RBM6: variants seen among roughly 807,000 people sequenced by gnomAD.
RBM6 encodes RNA binding motif protein 6, also known as RNA-binding protein 6.
RBM6 carries 23 observed loss-of-function variants against 140.4 expected under a neutral mutation model. The ratio of observed to expected loss-of-function variants is 0.16; its 90% CI spans 0.12 to 0.23. RBM6 has a LOEUF of 0.23. Ranked by LOEUF, RBM6 falls within the 10% of genes least tolerant of loss-of-function variation. The pLI is 1.00. For missense variants in RBM6, 1,139 were observed against 1,386.7 expected (o/e 0.82, Z 2.84); for synonymous variants, 439 against 475.6 (o/e 0.92, Z 1.00).
chr3:50,036,121 C>T (rs188211663), intron 6 of RBM6, among the ~76,000 whole-genome samples: 15 of 152,118 alleles, frequency 9.9e-5, no homozygotes, highest in Non-Finnish European at 2.1e-4. Flanking sequence ...TTCTCAAACT[C>T]CTGACCTCAG....
intron 19 of RBM6, among the ~76,000 whole-genome samples, chr3:50,074,322 ATTTC>A (rs2090394823): frequency 6.9e-6 from 1 of 145,658 alleles, no homozygotes; most frequent in South Asian, 2.2e-4. Flanking sequence ...CTTCTACTGC[ATTTC>A]TTTTTTTTTT....
At chr3:50,002,230 G>C (rs2086370635) in intron 6 of RBM6, among the ~76,000 whole-genome samples, 1 of 151,438 alleles carries the variant, frequency 6.6e-6, no homozygotes, top group African/African-American at 2.4e-5. Flanking sequence ...TGGGACTACA[G>C]ATATGCGCCA....
rs1320934105 is a variant in RBM6 at position 50,022,422 on chromosome 3, C to T, written c.1557+22909C>T. Reference sequence around the variant, plus strand: ...CTCAGCTCACCAAAACCTCTGCCTCCCGGGTTCAAGTGATTCTCCTGCCTC... The same window carrying T: ...CTCAGCTCACCAAAACCTCTGCCTCTCGGGTTCAAGTGATTCTCCTGCCTC... On this transcript the variant is annotated intron_variant, in intron 6 of 20. Transcript: ENST00000266022. Among the ~76,000 whole-genome samples the T allele has an allele frequency of 3.3e-5, 5 of 151,914 alleles. No individual in the cohort carries two copies. In the East Asian group the frequency reaches 7.7e-4, roughly 23 times the overall value.
intron 18 of RBM6, among the ~76,000 whole-genome samples, chr3:50,069,472 C>T (rs1041566264): frequency 6.8e-5 from 10 of 147,252 alleles, no homozygotes; most frequent in African/African-American, 1.0e-4. Context: ...TGTGCCACTG[C>T]GCTCCAGCCT....
chr3:50,074,623 G>A (rs149787889), intron 19 of RBM6, among the ~76,000 whole-genome samples: 1,812 of 152,254 alleles, frequency 0.012, 16 homozygotes, highest in Non-Finnish European at 0.02. Context: ...GACATCTACT[G>A]TTGCTACATC....
chr3:50,069,338 T>C (rs2090220081), intron 18 of RBM6, among the ~76,000 whole-genome samples: 1 of 151,704 alleles, frequency 6.6e-6, no homozygotes, highest in African/African-American at 2.4e-5. Context: ...CATGGCGAAA[T>C]CCTATCTCTA....
chr3:49,944,175 A>T (rs1424635167), intron 1 of RBM6, among the ~76,000 whole-genome samples: 2 of 152,090 alleles, frequency 1.3e-5, no homozygotes, highest in Non-Finnish European at 2.9e-5. Context: ...CTCCCCTGAC[A>T]ATCACCATTC....
At chr3:49,948,415 T>A (rs561109891) in intron 1 of RBM6, among the ~76,000 whole-genome samples, 5 of 152,014 alleles carry the variant, frequency 3.3e-5, no homozygotes, top group Non-Finnish European at 5.9e-5. Flanking sequence ...TTCCAGCTAC[T>A]CAGGAGGCTA....
At chr3:49,952,574 A>C (rs1030419108) in intron 1 of RBM6, among the ~76,000 whole-genome samples, 1 of 150,424 alleles carries the variant, frequency 6.6e-6, no homozygotes, top group African/African-American at 2.4e-5. Context: ...ATCTCGACTC[A>C]ACGCAACCTC....
At chr3:50,063,858 A>C (rs1439355136) in intron 15 of RBM6, among the ~76,000 whole-genome samples, 1 of 151,970 alleles carries the variant, frequency 6.6e-6, no homozygotes, top group African/African-American at 2.4e-5. Flanking sequence ...CCAAGATCAC[A>C]CCTACCTTGA....
At chr3:49,991,206 G>A (rs941256098) in intron 5 of RBM6, among the ~76,000 whole-genome samples, 22 of 152,222 alleles carry the variant, frequency 1.4e-4, no homozygotes, top group African/African-American at 5.1e-4. Flanking sequence ...CAAAGTCCAG[G>A]AGGGTCCTGA....
chr3:50,052,524 T>C (rs1205413777), intron 7 of RBM6, among the ~76,000 whole-genome samples: 2 of 152,244 alleles, frequency 1.3e-5, no homozygotes, highest in African/African-American at 2.4e-5. Flanking sequence ...CTTTCCCCAT[T>C]GTTAGAAATC....
chr3:50,045,939 C>T (rs1206501170), intron 6 of RBM6, among the ~76,000 whole-genome samples: 1 of 152,096 alleles, frequency 6.6e-6, no homozygotes, highest in Non-Finnish European at 1.5e-5. Context: ...GGAACTCAGC[C>T]TACAGTCCAT....
chr3:50,001,950 C>A (rs2086352586), intron 6 of RBM6, among the ~76,000 whole-genome samples: 1 of 152,130 alleles, frequency 6.6e-6, no homozygotes, highest in African/African-American at 2.4e-5. Context: ...GAGTGACATA[C>A]ATTTAAGTTG....
intron 2 of RBM6, 130 bp downstream of exon 2, chr3:49,962,815 T>C (rs2084342427): frequency 3.9e-6 from 4 of 1,015,182 alleles, no homozygotes; most frequent in Non-Finnish European, 1.4e-6. Flanking sequence ...AATAGAAATT[T>C]GGCTGGGCGC....
intron 15 of RBM6, among the ~76,000 whole-genome samples, chr3:50,062,411 G>A (rs2089975294): frequency 6.6e-6 from 1 of 151,936 alleles, no homozygotes; most frequent in African/African-American, 2.4e-5. Flanking sequence ...GGCTGAGGCA[G>A]GAGAATTGCT....
chr3:49,958,782 CTTTTTTT>C (rs35853185), intron 1 of RBM6, among the ~76,000 whole-genome samples: 5 of 114,350 alleles, frequency 4.4e-5, no homozygotes, highest in East Asian at 4.9e-4. Context: ...TGAAGAATTC[CTTTTTTT>C]TTTTTTTTTT....
At chr3:49,971,985 G>A (rs2084813544) in intron 3 of RBM6, 74 bp from the exon 4 acceptor site, 4 of 1,133,152 alleles carry the variant, frequency 3.5e-6, no homozygotes, top group Non-Finnish European at 5.2e-6. Context: ...ATCCTGAGTG[G>A]CTAAATTTCA....
intron 8 of RBM6, among the ~76,000 whole-genome samples, chr3:50,056,785 C>T (rs1371748420): frequency 1.3e-5 from 2 of 152,170 alleles, no homozygotes; most frequent in Admixed American, 1.3e-4. Flanking sequence ...AATTATAAAA[C>T]AAACTATAAA....
Sources: gnomAD v4.1 joint callset for allele counts (sites outside exome capture counted in the v4.1 genomes callset) on GRCh38, gnomAD v4.1.1 for gene constraint, MANE v1.5 for transcripts, NCBI Gene and HGNC (gene_info 2026-07-23, HGNC 2026-07-21) for gene names.